LPP: variants seen among roughly 807,000 people sequenced by gnomAD.
The protein encoded by LPP is LIM domain containing preferred translocation partner in lipoma.
Under a neutral mutation model 60.4 loss-of-function variants are expected in LPP, and 38 were observed. That is an observed-to-expected ratio of 0.63 (90% CI 0.49 to 0.83). The LOEUF is 0.83. LPP is among the 40% of genes least tolerant of loss of function. The probability of loss-of-function intolerance (pLI) is 0.00; values close to 1 mark genes in which losing one functional copy is unlikely to be tolerated. For synonymous variants in LPP, 328 were observed against 290.8 expected (o/e 1.13, Z -1.30); for missense variants, 902 against 783.6 (o/e 1.15, Z -1.80).
At chr3:188,383,876 G>A (rs1431953055) in intron 3 of LPP, among the ~76,000 whole-genome samples, 1 of 151,914 alleles carries the variant, frequency 6.6e-6, no homozygotes, top group Non-Finnish European at 1.5e-5. Context: ...GGGATATTTG[G>A]GTCAAATAGC....
intron 7 of LPP, among the ~76,000 whole-genome samples, chr3:188,664,012 G>T (rs1002580641): frequency 3.2e-4 from 48 of 152,204 alleles, no homozygotes; most frequent in African/African-American, 1.2e-3. Context: ...TGGGGATTGG[G>T]GACACCTGTT....
At chr3:188,510,259 A>T (rs1224748964) in intron 5 of LPP, among the ~76,000 whole-genome samples, 1 of 152,162 alleles carries the variant, frequency 6.6e-6, no homozygotes, top group Non-Finnish European at 1.5e-5. Context: ...TAGCAAAGTA[A>T]AAGTCTTGTC....
At chr3:188,252,029 C>T (rs1729800913) in intron 2 of LPP, among the ~76,000 whole-genome samples, 1 of 76,158 alleles carries the variant, frequency 1.3e-5, no homozygotes, top group Admixed American at 1.8e-4. Flanking sequence ...CTTTTTAATC[C>T]TGATATATAT....
chr3:188,607,532 A>G (rs1393273633), intron 6 of LPP, among the ~76,000 whole-genome samples: 1 of 151,842 alleles, frequency 6.6e-6, no homozygotes, highest in Non-Finnish European at 1.5e-5. Context: ...AAAGAAAACT[A>G]TGCCAACATT....
intron 3 of LPP, among the ~76,000 whole-genome samples, chr3:188,346,251 CTTTTTT>C (rs1050679907): frequency 6.5e-4 from 57 of 88,340 alleles, no homozygotes; most frequent in Admixed American, 9.9e-4. Flanking sequence ...AGTAGCAAAT[CTTTTTT>C]TTTTTTTTTT....
intron 3 of LPP, among the ~76,000 whole-genome samples, chr3:188,359,810 C>T (rs1241475735): frequency 2.0e-5 from 3 of 152,142 alleles, no homozygotes; most frequent in Non-Finnish European, 4.4e-5. Context: ...TCTGAAGAGC[C>T]TCTGAGCCCC....
chr3:188,386,197 A>G (rs1313579188), intron 3 of LPP, among the ~76,000 whole-genome samples: 2 of 151,726 alleles, frequency 1.3e-5, no homozygotes, highest in Admixed American at 6.6e-5. Context: ...ACCAATTGCT[A>G]GAAGTGGTTG....
At chr3:188,251,303 A>G (rs1161300538) in intron 2 of LPP, among the ~76,000 whole-genome samples, 1 of 151,622 alleles carries the variant, frequency 6.6e-6, no homozygotes, top group Non-Finnish European at 1.5e-5. Context: ...GCAATTGATT[A>G]ATTGCTGGAA....
chr3:188,205,497 G>C (rs1732947637), intron 1 of LPP, among the ~76,000 whole-genome samples: 1 of 152,072 alleles, frequency 6.6e-6, no homozygotes, highest in South Asian at 2.1e-4. Context: ...GGCCAGGCTG[G>C]TCTTGAACTC....
intron 9 of LPP, among the ~76,000 whole-genome samples, chr3:188,831,784 T>C (rs1757199613): frequency 6.6e-6 from 1 of 152,180 alleles, no homozygotes; most frequent in East Asian, 1.9e-4. Flanking sequence ...TTCAATCAGC[T>C]CTCTCTCCCT....
chr3:188,605,968 G>C (rs1048798123), intron 6 of LPP, among the ~76,000 whole-genome samples: 1 of 152,134 alleles, frequency 6.6e-6, no homozygotes, highest in South Asian at 2.1e-4. Context: ...GGAGGACACT[G>C]TTATCATTTA....
At chr3:188,276,760 G>A (rs1257292715) in intron 2 of LPP, among the ~76,000 whole-genome samples, 1 of 150,702 alleles carries the variant, frequency 6.6e-6, no homozygotes, top group Non-Finnish European at 1.5e-5. Flanking sequence ...CATGTGAAGT[G>A]CCTGCTCCCT....
At position 188,885,218 on chromosome 3, in the gene LPP, C is replaced by G. The variant is rs2378456; in HGVS notation, c.*10739C>G. ...TGAGAGAAAAAATATCATTTCTTCTCATTAAATCTCCTGCATTAAATCTAA... is the reference window on the plus strand; with the variant it reads ...TGAGAGAAAAAATATCATTTCTTCTGATTAAATCTCCTGCATTAAATCTAA... On this transcript the variant is annotated 3_prime_UTR_variant, in exon 12 of 12. Coordinates refer to ENST00000617246, the MANE Select transcript of LPP (RefSeq NM_001375462.1). The G allele has an allele frequency of 0.21, 42,236 of 201,652 alleles. 6,187 individuals carry two copies. Among genetic ancestry groups the G allele is most frequent in the East Asian group, 0.48 (6,122 of 12,878 alleles). The allele number at this position is 201,652 out of a possible 1,614,324, so 12.5% of individuals were successfully genotyped here. A position where few individuals can be genotyped will look rare whatever the true frequency, so the allele number is the denominator to read the frequency against.
intron 2 of LPP, among the ~76,000 whole-genome samples, chr3:188,263,681 A>G (rs1560174044): frequency 6.6e-6 from 1 of 152,252 alleles, no homozygotes; most frequent in Non-Finnish European, 1.5e-5. Flanking sequence ...AGGGTTTAAC[A>G]GTGACTAGCT....
intron 2 of LPP, among the ~76,000 whole-genome samples, chr3:188,240,590 T>G (rs920043921): frequency 6.6e-6 from 1 of 152,140 alleles, no homozygotes; most frequent in Middle Eastern, 3.4e-3. Flanking sequence ...TGTTATTGAG[T>G]AGTTAGGATA....
chr3:188,443,465 A>G (rs1794522606), intron 4 of LPP, among the ~76,000 whole-genome samples: 1 of 152,192 alleles, frequency 6.6e-6, no homozygotes, highest in South Asian at 2.1e-4. Context: ...TAGAGATGGA[A>G]AGTATTGGCC....
At chr3:188,693,440 G>A (rs367662821) in intron 7 of LPP, among the ~76,000 whole-genome samples, 5 of 152,078 alleles carry the variant, frequency 3.3e-5, no homozygotes, top group South Asian at 4.1e-4. Context: ...AACTTTCACC[G>A]TTTAACAGAG....
intron 9 of LPP, among the ~76,000 whole-genome samples, chr3:188,864,608 C>T (rs948173001): frequency 1.3e-5 from 2 of 152,190 alleles, no homozygotes; most frequent in Admixed American, 6.5e-5. Context: ...GAAGGCTTCA[C>T]TGGGGAATGG....
At chr3:188,403,406 G>C (rs190195204) in intron 3 of LPP, among the ~76,000 whole-genome samples, 1 of 152,230 alleles carries the variant, frequency 6.6e-6, no homozygotes, top group East Asian at 1.9e-4. Context: ...ATTATAAAAT[G>C]ACTTTAGATT....
Sources: allele counts gnomAD v4.1 joint callset (sites outside exome capture counted in the v4.1 genomes callset), GRCh38; gene constraint gnomAD v4.1.1; transcripts MANE v1.5; gene names NCBI Gene and HGNC (gene_info 2026-07-23, HGNC 2026-07-21).